PXDN: variants seen among roughly 807,000 people sequenced by gnomAD.
PXDN encodes the protein peroxidasin homolog.
In PXDN, 77 loss-of-function variants were observed where a neutral mutation model predicts 140.3. The ratio of observed to expected loss-of-function variants is 0.55; its 90% confidence interval spans 0.46 to 0.66. The LOEUF (loss-of-function observed/expected upper bound fraction) is 0.66, where lower values mean the gene tolerates loss of function less well. Ranked by LOEUF, PXDN falls within the 30% of genes least tolerant of loss-of-function variation. The pLI is 0.00. For missense variants in PXDN, 1,838 were observed against 2,039.5 expected (o/e 0.90, Z 1.90); for synonymous variants, 911 against 857.4 (o/e 1.06, Z -1.09).
chr2:1,735,216 G>C (rs1685402677), intron 1 of PXDN, among the ~76,000 whole-genome samples: 1 of 152,140 alleles, frequency 6.6e-6, no homozygotes, highest in Admixed American at 6.5e-5. Context: ...CATCCATGAG[G>C]GTTGGAATCA....
At chr2:1,712,944 C>T (rs969299888) in intron 1 of PXDN, among the ~76,000 whole-genome samples, 2 of 152,176 alleles carry the variant, frequency 1.3e-5, no homozygotes, top group Non-Finnish European at 2.9e-5. Context: ...AGGCTGGTCT[C>T]GAACTCCTGA....
rs958040937 is a variant in PXDN at position 1,655,711 on chromosome 2, C to T, written c.1838-1203G>A. ...CTGCCCCCTCCTGACTGAAACCTGC[C>T]CCCTCCTGACTGAAACATGCCCCCT... On this transcript the variant is annotated intron_variant, in intron 14 of 22. Transcript: ENST00000252804. Among the ~76,000 whole-genome samples, 115 of 131,104 alleles carry T rather than the reference C, an allele frequency of 8.8e-4. 1 individual carries two copies. The highest frequency in any genetic ancestry group is 3.1e-3 in the African/African-American group (108 of 35,282). 86.0% of individuals were successfully genotyped at this position (131,104 alleles called of 152,430 possible). A position where few individuals can be genotyped will look rare whatever the true frequency, so the allele number is the denominator to read the frequency against.
In PXDN at chr2:1,648,258, C is replaced by T; in HGVS notation, c.3522G>A (p.Arg1174=). The change falls in exon 17 of 23, where the codon AGG becomes AGA. Residue 1174 remains arginine, a synonymous_variant. Coordinates refer to ENST00000252804, the MANE Select transcript of PXDN (RefSeq NM_012293.3). The surrounding 1 kb of genome is among the most constrained non-coding windows in gnomAD (Gnocchi z 8.9). ...GTGCCGCCGATAGATTGCAGTAGAC[C>T]CTGTAGTCGTGGTAGGGTGGGATCC... The part of the protein sequence containing the change: ...DHGIPPYHDY[R]VYCNLSAAHT... 6.2e-7 allele frequency: 1 copy of T among 1,613,924 alleles called. No homozygotes were observed. The highest frequency in any genetic ancestry group is 1.6e-4 in the Middle Eastern group (1 of 6,062).
chr2:1,680,103 G>A, intron 7 of PXDN, 90 bp downstream of exon 7: 1 of 1,399,840 alleles, frequency 7.1e-7, no homozygotes, highest in Non-Finnish European at 9.6e-7. Context: ...GTGGTGTGTG[G>A]ATGTTGTGTG....
intron 3 of PXDN, among the ~76,000 whole-genome samples, chr2:1,689,058 G>A (rs1467822863): frequency 3.3e-5 from 5 of 152,044 alleles, no homozygotes; most frequent in African/African-American, 7.2e-5. Flanking sequence ...CCCAGCGACC[G>A]AGAGCCCAGT....
Position 1,662,162 on chromosome 2 carries a change from A to C in PXDN, c.1590T>G (p.Ile530Met). 6.3e-7 allele frequency: 1 copy of C among 1,590,866 alleles called. No individual in the cohort carries two copies. The highest frequency in any genetic ancestry group is 1.1e-5 in the South Asian group (1 of 87,116). The stretch of plus-strand genomic sequence containing the variant: ...CCACCTCCACTGTTGTGTCGCTGGG[A>C]ATGCTGGCAAACACTGGGGTGACTG... ...QPRVTPVFAS[I>M]PSDTTVEVGA... Residue 530 changes from isoleucine (I) to methionine (M), a missense_variant, in exon 13 of 23, where the codon ATT becomes ATG. Around this residue, in one of 5 missense-constraint regions of PXDN, gnomAD observed 537 missense variants for 583.9 expected, o/e 0.92. Coordinates refer to ENST00000252804, the MANE Select transcript of PXDN (RefSeq NM_012293.3).
intron 9 of PXDN, among the ~76,000 whole-genome samples, chr2:1,668,891 C>T (rs1010212859): frequency 2.0e-5 from 3 of 152,136 alleles, no homozygotes; most frequent in Admixed American, 6.5e-5. Flanking sequence ...GACAATGTGG[C>T]GATTCCTCAA....
At chr2:1,734,112 G>A (rs559078349) in intron 1 of PXDN, among the ~76,000 whole-genome samples, 2 of 152,116 alleles carry the variant, frequency 1.3e-5, no homozygotes, top group East Asian at 1.9e-4. Flanking sequence ...ACAAAACTTG[G>A]GGCCAGAGAG....
intron 22 of PXDN, 110 bp from the exon 23 acceptor site, chr2:1,634,433 C>T: frequency 7.5e-7 from 1 of 1,335,260 alleles, no homozygotes; most frequent in Non-Finnish European, 1.0e-6. Flanking sequence ...TCAGGCCTTG[C>T]CCTGAGGCCC....
rs116425740 is a variant in PXDN, at chr2:1,685,373, G to A, written c.417-1222C>T. On this transcript the variant is annotated intron_variant, in intron 4 of 22. Coordinates refer to ENST00000252804, the MANE Select transcript of PXDN (RefSeq NM_012293.3). This position sits in a 1 kb window ranked among gnomAD's most constrained non-coding sequence, Gnocchi z 5.1. ...GGCGGGCACCTGACGCGCGGGTCCC[G>A]AGGAAGGCCGAACCCGACAGAATCC... Among the ~76,000 whole-genome samples the A allele has an allele frequency of 4.1e-4, 63 of 152,334 alleles. No individual in the cohort carries two copies. Among genetic ancestry groups the A allele is most frequent in the Non-Finnish European group, 7.5e-4 (51 of 68,026 alleles).
At chr2:1,691,256 C>A (rs1400645886) in intron 3 of PXDN, among the ~76,000 whole-genome samples, 1 of 152,220 alleles carries the variant, frequency 6.6e-6, no homozygotes, top group Non-Finnish European at 1.5e-5. Context: ...ACACGACACA[C>A]ACTTCGTCAC....
Position 1,639,079 on chromosome 2 carries a change from G to GAGTGGGC in PXDN, c.4074-102_4074-101insGCCCACT. ...GGGTGTGCACCGCCCCTGATGCTCT[G>GAGTGGGC]AGCTGGGTCTCATTTCAAGGTTTCC... On this transcript the variant is annotated intron_variant, in intron 20 of 22. Transcript: ENST00000252804. This position sits in a 1 kb window ranked among gnomAD's most constrained non-coding sequence, Gnocchi z 5.0. The GAGTGGGC allele has an allele frequency of 1.0e-5, 1 of 99,040 alleles. No individual in the cohort carries two copies. Among genetic ancestry groups the GAGTGGGC allele is most frequent in the African/African-American group, 7.3e-5 (1 of 13,744 alleles). 6.1% of individuals were successfully genotyped at this position (99,040 alleles called of 1,614,324 possible). A position where few individuals can be genotyped will look rare whatever the true frequency, so the allele number is the denominator to read the frequency against.
Position 1,663,857 on chromosome 2 carries a change from C to A in PXDN, c.1409-94G>T, listed in dbSNP as rs576477245. 8.3e-5 allele frequency: 125 copies of A among 1,509,244 alleles called. 1 individual carries two copies. The Admixed American group carries it at 8.5e-4, about 10-fold the overall frequency. The allele number at this position is 1,509,244 out of a possible 1,614,324, so 93.5% of individuals were successfully genotyped here. Reference sequence around the variant, plus strand: ...GCATGACCACAGAAGCTTGTCTCCACCTGGGTCGGGGCGCCGGATAATTTG... The same window carrying A: ...GCATGACCACAGAAGCTTGTCTCCAACTGGGTCGGGGCGCCGGATAATTTG... On this transcript the variant is annotated intron_variant, in intron 11 of 22. Transcript: ENST00000252804.
intron 1 of PXDN, among the ~76,000 whole-genome samples, chr2:1,735,546 A>G (rs1350092527): frequency 6.6e-6 from 1 of 152,246 alleles, no homozygotes; most frequent in Non-Finnish European, 1.5e-5. Context: ...GTAAACGAGC[A>G]GCAGTATTTT....
At position 1,648,585 on chromosome 2, in the gene PXDN, G is replaced by A. The variant is rs751261227; in HGVS notation, c.3195C>T (p.Phe1065=). Residue 1065 remains phenylalanine (F), a synonymous_variant, in exon 17 of 23, where the codon TTC becomes TTT. Coordinates refer to ENST00000252804, the MANE Select transcript of PXDN (RefSeq NM_012293.3). The surrounding 1 kb of genome is among the most constrained non-coding windows in gnomAD (Gnocchi z 8.9). ...GGCCAAACCTGAAGGCCGCGGTGGC[G>A]AAGGCGTTGAAGATGCCAGCATTGA... The part of the protein sequence containing the change: ...PGINAGIFNA[F]ATAAFRFGHT... 1.3e-5 allele frequency: 21 copies of A among 1,610,744 alleles called. No individual in the cohort carries two copies. The highest frequency in any genetic ancestry group is 6.7e-5 in the Admixed American group (4 of 59,772).
rs116214231 is a variant in PXDN, at chr2:1,638,772, C to T, written c.4206+74G>A. 141,784 of 1,593,970 alleles carry T rather than the reference C, an allele frequency of 0.089. 6,662 individuals are homozygous for T. The highest frequency in any genetic ancestry group is 0.1 in the African/African-American group (7,620 of 74,550). On this transcript the variant is annotated intron_variant, in intron 21 of 22. Coordinates refer to ENST00000252804, the MANE Select transcript of PXDN (RefSeq NM_012293.3). ...AGTTGCCTGGGAATAAAATGCTATACCCAGAAGGTTCGGGCAGGGCTGTGC... is the reference window on the plus strand; with the variant it reads ...AGTTGCCTGGGAATAAAATGCTATATCCAGAAGGTTCGGGCAGGGCTGTGC...
At chr2:1,715,138 A>G (rs1404290072) in intron 1 of PXDN, among the ~76,000 whole-genome samples, 2 of 152,198 alleles carry the variant, frequency 1.3e-5, no homozygotes, top group Non-Finnish European at 2.9e-5. Flanking sequence ...CCTTCCAGTC[A>G]GAAAAACTTG....
At chr2:1,741,728 G>A (rs539659782) in intron 1 of PXDN, among the ~76,000 whole-genome samples, 3 of 151,582 alleles carry the variant, frequency 2.0e-5, no homozygotes, top group Non-Finnish European at 4.4e-5. Context: ...TTTGGGGCAG[G>A]TTTTTTTTTA....
intron 2 of PXDN, 136 bp from the exon 3 acceptor site, chr2:1,692,135 C>T (rs1377334986): frequency 9.9e-5 from 65 of 655,738 alleles, no homozygotes; most frequent in East Asian, 1.1e-4. Context: ...ATTCAACGAA[C>T]GCTGAACCCG....
Sources: gnomAD v4.1 joint callset for allele counts (sites outside exome capture counted in the v4.1 genomes callset) on GRCh38, gnomAD v4.1.1 for gene constraint, gnomAD v4.1.1 regional missense constraint, Gnocchi (gnomAD v3.1) non-coding constraint, MANE v1.5 for transcripts, NCBI Gene and HGNC (gene_info 2026-07-23, HGNC 2026-07-21) for gene names.